Variants in SRGAP2 observed in about 807,000 individuals in gnomAD.
The protein encoded by SRGAP2 is SLIT-ROBO Rho GTPase activating protein 2.
Under a neutral mutation model 57.2 loss-of-function variants are expected in SRGAP2, and 15 were observed. The observed-to-expected ratio is 0.26, with a 90% CI of 0.18 to 0.40. The LOEUF (loss-of-function observed/expected upper bound fraction) is 0.40, where lower values mean the gene tolerates loss of function less well. Ranked by LOEUF, SRGAP2 falls within the 10% of genes least tolerant of loss-of-function variation. The pLI, the probability that SRGAP2 is intolerant of heterozygous loss-of-function variation, is 1.00. For synonymous variants in SRGAP2, 249 were observed against 248.0 expected (o/e 1.00, Z -0.04); for missense variants, 520 against 669.6 (o/e 0.78, Z 2.47).
chr1:206,432,901 C>T (rs782404112), intron 14 of SRGAP2, among the ~76,000 whole-genome samples: 12 of 152,300 alleles, frequency 7.9e-5, no homozygotes, highest in South Asian at 6.2e-4. Context: ...CTGGTAATCA[C>T]GTGGCTGACT....
At chr1:206,236,961 C>T (rs1404027347) in intron 2 of SRGAP2, among the ~76,000 whole-genome samples, 21 of 138,066 alleles carry the variant, frequency 1.5e-4, no homozygotes, top group African/African-American at 6.0e-4. Context: ...TGGGCTCAAG[C>T]CATCCTACAG....
chr1:206,260,828 T>C lies in SRGAP2; in HGVS notation c.68-42453T>C, dbSNP rs116750866. On this transcript the variant is annotated intron_variant, in intron 2 of 22. Coordinates refer to ENST00000573034, the MANE Select transcript of SRGAP2 (RefSeq NM_015326.5). The stretch of plus-strand genomic sequence containing the variant: ...AGCTTTTTAAAGGGTCGCACAGCAG[T>C]GCATATGCTACTTAAAATGAGATTA... Among the ~76,000 whole-genome samples the C allele has an allele frequency of 5.5e-3, 833 of 152,360 alleles. 7 individuals carry two copies. Among genetic ancestry groups the C allele is most frequent in the African/African-American group, 0.019 (775 of 41,560 alleles).
rs1407518406 is a variant in SRGAP2 at position 206,361,416 on chromosome 1, CCATCTATAAACTGAACAAGAAG to C, written c.423+18412_423+18433del. The stretch of plus-strand genomic sequence containing the variant: ...TTGACTTTCCCAGACTCCCATATGC[CCATCTATAAACTGAACAAGAAG>C]CATACTTCTTGCCCACTTTGCCTCC... On this transcript the variant is annotated intron_variant, in intron 4 of 22. Coordinates refer to ENST00000573034, the MANE Select transcript of SRGAP2 (RefSeq NM_015326.5). Among the ~76,000 whole-genome samples, 559 of 152,278 alleles carry C rather than the reference CCATCTATAAACTGAACAAGAAG, an allele frequency of 3.7e-3. 4 individuals are homozygous for C. The highest frequency in any genetic ancestry group is 0.013 in the African/African-American group (522 of 41,538).
intron 2 of SRGAP2, among the ~76,000 whole-genome samples, chr1:206,222,667 C>G (rs1479081163): frequency 1.4e-5 from 2 of 143,128 alleles, no homozygotes; most frequent in African/African-American, 5.2e-5. Context: ...GAGATCCTGT[C>G]TCCAAAAAAA....
At chr1:206,399,863 A>C (rs188194387) in intron 7 of SRGAP2, among the ~76,000 whole-genome samples, 1 of 151,972 alleles carries the variant, frequency 6.6e-6, no homozygotes, top group Non-Finnish European at 1.5e-5. Context: ...TCTAGCTTCC[A>C]TTTGCTCTTC....
chr1:206,359,044 C>T (rs868928648), intron 4 of SRGAP2, among the ~76,000 whole-genome samples: 7 of 152,152 alleles, frequency 4.6e-5, no homozygotes, highest in Admixed American at 2.0e-4. Flanking sequence ...AGAATTGGGC[C>T]GATGTTCTTT....
chr1:206,340,151 C>T (rs1377112692), intron 3 of SRGAP2, among the ~76,000 whole-genome samples: 1 of 150,764 alleles, frequency 6.6e-6, no homozygotes, highest in Non-Finnish European at 1.5e-5. Context: ...TTTCTACTTC[C>T]AGCCATCCTG....
At chr1:206,308,047 T>C (rs1160284042) in intron 3 of SRGAP2, among the ~76,000 whole-genome samples, 12 of 147,786 alleles carry the variant, frequency 8.1e-5, no homozygotes. Context: ...TAAGATCACA[T>C]ACTAGGAATA....
chr1:206,248,344 A>G (rs1668627302), intron 2 of SRGAP2, among the ~76,000 whole-genome samples: 2 of 152,148 alleles, frequency 1.3e-5, no homozygotes, highest in Admixed American at 6.5e-5. Context: ...CTCTCAGGGA[A>G]ATAACCAAGT....
chr1:206,376,066 A>G (rs1221202633), intron 4 of SRGAP2, among the ~76,000 whole-genome samples: 3 of 147,326 alleles, frequency 2.0e-5, no homozygotes, highest in African/African-American at 7.6e-5. Context: ...CTTTATGCCC[A>G]CAGTCGAACC....
At position 206,458,835 on chromosome 1, in the gene SRGAP2, A is replaced by G. The variant is rs782438560; in HGVS notation, c.2720A>G (p.His907Arg). 1.7e-5 allele frequency: 13 copies of G among 780,556 alleles called. No individual in the cohort carries two copies. Among genetic ancestry groups the G allele is most frequent in the East Asian group, 1.2e-4 (5 of 41,254 alleles). The allele number at this position is 780,556 out of a possible 1,614,324, so 48.4% of individuals were successfully genotyped here. Residue 907 changes from histidine (H) to arginine (R), a missense_variant, in exon 22 of 23, where the codon CAC (histidine) becomes CGC (arginine). Coordinates refer to ENST00000573034, the MANE Select transcript of SRGAP2 (RefSeq NM_015326.5). ...GHGSLNSISR[H>R]SSLKNRLDSP... ...GGGAGCCTCAACTCCATCAGCCGCC[A>G]CTCATCCCTGAAGAATCGGCTGGAT...
At chr1:206,341,975 G>A (rs1401600450) in intron 3 of SRGAP2, among the ~76,000 whole-genome samples, 5 of 152,118 alleles carry the variant, frequency 3.3e-5, no homozygotes, top group African/African-American at 1.2e-4. Context: ...TCCAGCCTGG[G>A]TGACAGAGTG....
chr1:206,255,858 G>A (rs1553312223), intron 2 of SRGAP2, among the ~76,000 whole-genome samples: 7 of 151,754 alleles, frequency 4.6e-5, no homozygotes, highest in Non-Finnish European at 2.9e-5. Context: ...TCTGGAACTG[G>A]ACTCATAGGT....
intron 16 of SRGAP2, among the ~76,000 whole-genome samples, chr1:206,439,618 C>T (rs1553371208): frequency 6.6e-6 from 1 of 152,078 alleles, no homozygotes; most frequent in Non-Finnish European, 1.5e-5. Flanking sequence ...TTCCTGTGCC[C>T]AAATCCAAAT....
At chr1:206,314,676 A>G (rs1276915306) in intron 3 of SRGAP2, among the ~76,000 whole-genome samples, 1 of 152,180 alleles carries the variant, frequency 6.6e-6, no homozygotes, top group African/African-American at 2.4e-5. Context: ...GTGATTTCCA[A>G]TAGTAAGGGT....
At chr1:206,258,870 T>A (rs545947394) in intron 2 of SRGAP2, among the ~76,000 whole-genome samples, 2 of 145,620 alleles carry the variant, frequency 1.4e-5, no homozygotes, top group Admixed American at 1.4e-4. Flanking sequence ...AAGGAATTAA[T>A]CTTTGGACAT....
intron 14 of SRGAP2, among the ~76,000 whole-genome samples, chr1:206,431,669 G>T (rs1385443254): frequency 6.6e-6 from 1 of 152,218 alleles, no homozygotes; most frequent in Non-Finnish European, 1.5e-5. Flanking sequence ...CCACTGAAAG[G>T]TGGATAAGCA....
chr1:206,393,500 C>A (rs534810156), intron 6 of SRGAP2, 45 bp from the exon 7 acceptor site: 2 of 755,970 alleles, frequency 2.6e-6, no homozygotes, highest in Non-Finnish European at 4.9e-6. Flanking sequence ...AACAAGCCCC[C>A]CTTAAAAAAA....
intron 2 of SRGAP2, among the ~76,000 whole-genome samples, chr1:206,275,642 G>A (rs1271566103): frequency 2.0e-5 from 3 of 146,922 alleles, no homozygotes; most frequent in Admixed American, 2.0e-4. Flanking sequence ...TTGAGACAGA[G>A]TCTCACTCTG....
Sources: allele counts gnomAD v4.1 joint callset (sites outside exome capture counted in the v4.1 genomes callset), GRCh38; gene constraint gnomAD v4.1.1; transcripts MANE v1.5; gene names NCBI Gene and HGNC (gene_info 2026-07-23, HGNC 2026-07-21).